ATP2C1: variants seen among roughly 807,000 people sequenced by gnomAD.
ATP2C1 encodes calcium-transporting ATPase type 2C member 1.
Under a neutral mutation model 120.5 loss-of-function variants are expected in ATP2C1, and 31 were observed. The observed-to-expected ratio is 0.26, with a 90% CI of 0.19 to 0.35. The LOEUF is 0.35. Ranked by LOEUF, ATP2C1 falls within the 10% of genes least tolerant of loss-of-function variation. The probability of loss-of-function intolerance (pLI) is 1.00; values close to 1 mark genes in which losing one functional copy is unlikely to be tolerated. For synonymous variants in ATP2C1, 351 were observed against 358.7 expected, an observed-to-expected ratio of 0.98 and a Z score of 0.24; for missense variants, 731 against 1,107.5, an observed-to-expected ratio of 0.66 and a Z score of 4.83.
rs752881753 is a variant in ATP2C1 at position 131,001,526 on chromosome 3, T to C, written c.*176T>C. On this transcript the variant is annotated 3_prime_UTR_variant, in exon 28 of 28. Coordinates refer to ENST00000510168, the MANE Select transcript of ATP2C1 (RefSeq NM_001378687.1). ...CTGCTGGCAGTCCCAAATGAAATTATGCAACTTTGATATCATATTCCTTGA... is the reference window on the plus strand; with the variant it reads ...CTGCTGGCAGTCCCAAATGAAATTACGCAACTTTGATATCATATTCCTTGA... 276 of 1,312,240 alleles carry C rather than the reference T, an allele frequency of 2.1e-4. 1 individual carries two copies. Among genetic ancestry groups the C allele is most frequent in the Non-Finnish European group, 2.3e-4 (240 of 1,027,418 alleles). The allele number at this position is 1,312,240 out of a possible 1,614,324, so 81.3% of individuals were successfully genotyped here. A position where few individuals can be genotyped will look rare whatever the true frequency, so the allele number is the denominator to read the frequency against.
chr3:130,905,086 A>G (rs2058061690), intron 2 of ATP2C1, among the ~76,000 whole-genome samples: 1 of 151,968 alleles, frequency 6.6e-6, no homozygotes, highest in Non-Finnish European at 1.5e-5. Context: ...TGCACCAGCC[A>G]TGGAATCAAC....
intron 8 of ATP2C1, among the ~76,000 whole-genome samples, chr3:130,950,080 T>C (rs2060307156): frequency 6.6e-6 from 1 of 152,164 alleles, no homozygotes; most frequent in African/African-American, 2.4e-5. Context: ...ACTTTCTGCC[T>C]TTCAGGAAAC....
intron 2 of ATP2C1, among the ~76,000 whole-genome samples, chr3:130,903,173 C>A (rs1053710411): frequency 1.3e-5 from 2 of 152,002 alleles, no homozygotes; most frequent in Admixed American, 6.6e-5. Context: ...TTAGAAATAA[C>A]CTGCCTGTTT....
chr3:130,967,247 A>AT lies in ATP2C1; in HGVS notation c.1218+16dup, dbSNP rs200231817. Reference sequence around the variant, plus strand: ...TGTTAGCAGAATTGTTGAGGTAAATATTTTTTTTTCCAAGATGGTGACTTT... The same window carrying AT: ...TGTTAGCAGAATTGTTGAGGTAAATATTTTTTTTTTCCAAGATGGTGACTTT... On this transcript the variant is annotated splice_region_variant and intron_variant, in intron 15 of 27. Coordinates refer to ENST00000510168, the MANE Select transcript of ATP2C1 (RefSeq NM_001378687.1). 139 of 1,605,790 alleles carry AT rather than the reference A, an allele frequency of 8.7e-5. No homozygotes were observed. Among genetic ancestry groups the AT allele is most frequent in the Non-Finnish European group, 1.1e-4 (131 of 1,173,404 alleles).
chr3:131,007,302 C>T (rs906424392), downstream of ATP2C1, among the ~76,000 whole-genome samples: 2 of 152,252 alleles, frequency 1.3e-5, no homozygotes, highest in African/African-American at 4.8e-5. Context: ...TCACCGTACA[C>T]ACCTGATTTT....
At chr3:130,943,499 G>A (rs2060009662) in intron 8 of ATP2C1, among the ~76,000 whole-genome samples, 1 of 152,148 alleles carries the variant, frequency 6.6e-6, no homozygotes, top group Non-Finnish European at 1.5e-5. Flanking sequence ...TTATAGTCGT[G>A]AGCCACCGCT....
At chr3:130,914,796 C>T (rs1269322740) in intron 2 of ATP2C1, among the ~76,000 whole-genome samples, 1 of 152,204 alleles carries the variant, frequency 6.6e-6, no homozygotes, top group Non-Finnish European at 1.5e-5. Flanking sequence ...ATCCCTTTCA[C>T]GTTCTACCTC....
At chr3:130,981,211 C>T (rs2061747353) in intron 20 of ATP2C1, among the ~76,000 whole-genome samples, 1 of 152,174 alleles carries the variant, frequency 6.6e-6, no homozygotes, top group African/African-American at 2.4e-5. Flanking sequence ...TCTCCCCCTA[C>T]TTCCAGGACT....
At chr3:130,876,950 T>G (rs1240941339) in intron 1 of ATP2C1, among the ~76,000 whole-genome samples, 3 of 152,212 alleles carry the variant, frequency 2.0e-5, no homozygotes, top group Non-Finnish European at 4.4e-5. Context: ...TTTTGTATGT[T>G]GATTTTGTTT....
intron 9 of ATP2C1, 109 bp downstream of exon 9, chr3:130,954,085 A>T: frequency 8.5e-7 from 1 of 1,183,130 alleles, no homozygotes; most frequent in Non-Finnish European, 1.2e-6. Context: ...GACAAAGGAT[A>T]AAATTGAACT....
At chr3:130,919,778 C>T (rs2058867687) in intron 2 of ATP2C1, among the ~76,000 whole-genome samples, 1 of 152,132 alleles carries the variant, frequency 6.6e-6, no homozygotes, top group African/African-American at 2.4e-5. Flanking sequence ...TACTTTTTTC[C>T]ATAGTGGCTG....
intron 2 of ATP2C1, among the ~76,000 whole-genome samples, chr3:130,923,017 C>T (rs2059035352): frequency 6.6e-6 from 1 of 152,000 alleles, no homozygotes; most frequent in South Asian, 2.1e-4. Context: ...TCTTTCTTGA[C>T]TTTCTGTCTT....
At chr3:131,012,519 A>G (rs1293746470) in intron 26 of ATP2C1, among the ~76,000 whole-genome samples, 3 of 152,116 alleles carry the variant, frequency 2.0e-5, no homozygotes, top group South Asian at 4.2e-4. Context: ...TGGCCTTCCA[A>G]AGTGCTGGGA....
chr3:130,970,523 G>T (rs1039275502), intron 17 of ATP2C1, among the ~76,000 whole-genome samples: 5 of 151,942 alleles, frequency 3.3e-5, no homozygotes, highest in African/African-American at 1.2e-4. Context: ...TTCCCAAGTA[G>T]CTGGGACTGT....
At chr3:130,892,429 G>A (rs1190751548), upstream of ATP2C1, among the ~76,000 whole-genome samples, 1 of 152,222 alleles carries the variant, frequency 6.6e-6, no homozygotes, top group Non-Finnish European at 1.5e-5. Context: ...CACTGACCAT[G>A]CATGCCAGAG....
At chr3:130,975,075 T>C (rs998419522) in intron 17 of ATP2C1, among the ~76,000 whole-genome samples, 7 of 152,134 alleles carry the variant, frequency 4.6e-5, no homozygotes, top group Admixed American at 4.6e-4. Flanking sequence ...CTTTCCACAT[T>C]TCAGAGTGCC....
intron 20 of ATP2C1, 111 bp downstream of exon 20, chr3:130,980,790 C>T (rs770256711): frequency 4.9e-6 from 4 of 824,136 alleles, no homozygotes; most frequent in Non-Finnish European, 8.2e-6. Flanking sequence ...ATTTAAATAA[C>T]CACCAGATTT....
upstream of ATP2C1, among the ~76,000 whole-genome samples, chr3:130,891,324 T>C (rs2069160349): frequency 6.6e-6 from 1 of 152,150 alleles, no homozygotes; most frequent in Non-Finnish European, 1.5e-5. Context: ...GCTATCAAAT[T>C]TGATATTAAA....
At chr3:130,996,469 T>C (rs2062627250) in intron 23 of ATP2C1, among the ~76,000 whole-genome samples, 1 of 152,246 alleles carries the variant, frequency 6.6e-6, no homozygotes, top group Non-Finnish European at 1.5e-5. Flanking sequence ...GTAAAAATTC[T>C]TTATTTGTTC....
Sources: gnomAD v4.1 joint callset for allele counts (sites outside exome capture counted in the v4.1 genomes callset) on GRCh38, gnomAD v4.1.1 for gene constraint, MANE v1.5 for transcripts, NCBI Gene and HGNC (gene_info 2026-07-23, HGNC 2026-07-21) for gene names.